Variants in WHAMM observed in about 807,000 individuals in gnomAD.
WHAMM encodes WASP homolog-associated protein with actin, membranes and microtubules.
Under a neutral mutation model 76.5 loss-of-function variants are expected in WHAMM, and 67 were observed. The observed-to-expected ratio is 0.88, with a 90% CI of 0.72 to 1.07. The LOEUF is 1.07. WHAMM is among the 50% of genes least tolerant of loss of function. The pLI is 0.00. For missense variants in WHAMM, 1,021 were observed against 1,051.1 expected (o/e 0.97, Z 0.40); for synonymous variants, 419 against 422.1 (o/e 0.99, Z 0.09).
chr15:82,812,374 G>A (rs377304026), intron 1 of WHAMM, among the ~76,000 whole-genome samples: 124 of 152,188 alleles, frequency 8.1e-4, no homozygotes, highest in African/African-American at 2.9e-3. Flanking sequence ...GACTGCAGGC[G>A]CCCGCCACCA....
At chr15:82,821,470 T>C (rs1289069466) in intron 5 of WHAMM, among the ~76,000 whole-genome samples, 3 of 152,204 alleles carry the variant, frequency 2.0e-5, no homozygotes, top group Non-Finnish European at 4.4e-5. Flanking sequence ...GCAGTCCCAA[T>C]CACTGATTTT....
chr15:82,813,468 A>G (rs2050664728), intron 2 of WHAMM, among the ~76,000 whole-genome samples, 192 bp downstream of exon 2: 1 of 152,072 alleles, frequency 6.6e-6, no homozygotes, highest in Non-Finnish European at 1.5e-5. Flanking sequence ...CCTGAGCTCA[A>G]GCAGTCTGTC....
rs750323619 is a variant in WHAMM, at chr15:82,818,018, C to G, written c.1033C>G (p.Arg345Gly). The change falls in exon 4 of 10, where the codon CGA becomes GGA. Residue 345 changes from arginine to glycine, a missense_variant. Physicochemically the swap from Arg to Gly is moderately radical, Grantham distance 125. Transcript: ENST00000286760. Reference sequence around the variant, plus strand: ...GGAAAAACTTCAGCTAATGCTAGCTCGAGAGACTCTGCAACTCATGAGAGC... The same window carrying G: ...GGAAAAACTTCAGCTAATGCTAGCTGGAGAGACTCTGCAACTCATGAGAGC... ...RLEKLQLMLA[R>G]ETLQLMRAKE... The G allele has an allele frequency of 6.5e-7, 1 of 1,549,778 alleles. No homozygotes were observed.
intron 9 of WHAMM, among the ~76,000 whole-genome samples, chr15:82,832,068 A>C (rs1433487052): frequency 6.6e-6 from 1 of 152,218 alleles, no homozygotes; most frequent in African/African-American, 2.4e-5. Flanking sequence ...TGCCCTGTGA[A>C]TGAAAAGTAA....
chr15:82,817,610 C>T (rs1433089192), intron 3 of WHAMM, among the ~76,000 whole-genome samples: 2 of 151,952 alleles, frequency 1.3e-5, no homozygotes, highest in African/African-American at 2.4e-5. Flanking sequence ...GTTTTGTGGT[C>T]AAACTATCCA....
Position 82,809,793 on chromosome 15 carries a change from C to T in WHAMM, c.67C>T (p.Pro23Ser). The T allele has an allele frequency of 3.7e-6, 6 of 1,601,654 alleles. No individual in the cohort carries two copies. Among genetic ancestry groups the T allele is most frequent in the Non-Finnish European group, 5.1e-6 (6 of 1,174,942 alleles). Residue 23 changes from proline (P) to serine (S), a missense_variant, in exon 1 of 10, where the codon CCC becomes TCC. By Grantham distance (74) the Pro-to-Ser change is moderately conservative (BLOSUM62 -1). This residue lies in a region of WHAMM where 501 missense variants were observed against 524.9 expected (regional missense o/e 0.95). Transcript: ENST00000286760. ...GGTCCGGGAGGGCCTCTTCGCCGAG[C>T]CCGAGAGGCACCGGCTGCGCTTCCT... ...VPVREGLFAE[P>S]ERHRLRFLVA...
intron 3 of WHAMM, among the ~76,000 whole-genome samples, chr15:82,817,560 GT>G (rs1467995744): frequency 2.6e-5 from 4 of 151,964 alleles, no homozygotes; most frequent in Non-Finnish European, 2.9e-5. Context: ...CTGATACATT[GT>G]GCAGAATCAA....
intron 1 of WHAMM, among the ~76,000 whole-genome samples, 193 bp from the exon 2 acceptor site, chr15:82,812,910 A>G (rs1355230625): frequency 6.6e-6 from 1 of 152,226 alleles, no homozygotes. Context: ...TGGATATATC[A>G]TACTTTTCTT....
Position 82,817,947 on chromosome 15 carries a change from C to T in WHAMM, c.962C>T (p.Ala321Val), listed in dbSNP as rs17400964. 7.8e-6 allele frequency: 12 copies of T among 1,543,934 alleles called. No homozygotes were observed. Among genetic ancestry groups the T allele is most frequent in the South Asian group, 3.6e-5 (3 of 83,104 alleles). The stretch of plus-strand genomic sequence containing the variant: ...ATGCAGAAAGAAATGGAACAGGATG[C>T]GAAGAGATTTGGTCAGGCTGCCTGG... ...AGMQKEMEQD[A>V]KRFGQAAWAT... Residue 321 changes from alanine to valine, a missense_variant, in exon 4 of 10, where the codon GCG becomes GTG. Around this residue, in one of 3 missense-constraint regions of WHAMM, gnomAD observed 501 missense variants for 524.9 expected, o/e 0.95. Coordinates refer to ENST00000286760, the MANE Select transcript of WHAMM (RefSeq NM_001080435.3).
chr15:82,820,303 AAATTTT>A (rs1230590267), intron 5 of WHAMM, among the ~76,000 whole-genome samples: 2 of 152,206 alleles, frequency 1.3e-5, no homozygotes, highest in African/African-American at 4.8e-5. Context: ...AAAAGTATCA[AAATTTT>A]AATGGCTGCA....
intron 8 of WHAMM, 61 bp downstream of exon 8, chr15:82,826,907 A>T (rs2050945990): frequency 8.1e-6 from 12 of 1,474,772 alleles, no homozygotes; most frequent in Non-Finnish European, 9.0e-6. Context: ...AGACCACCCT[A>T]AAAAAGATGA....
rs369272117 is a variant in WHAMM at position 82,833,442 on chromosome 15, G to T, written c.2336G>T (p.Arg779Met). ...TSNRRTSDLE[R>M]SIKAALQRIK... ...AACAGACGCACCAGTGACCTTGAGA[G>T]GAGCATCAAGGCTGCGCTCCAGAGA... is the stretch of plus-strand genomic sequence containing the variant. Residue 779 changes from arginine (R) to methionine (M), a missense_variant, in exon 10 of 10, where the codon AGG becomes ATG. Transcript: ENST00000286760. The T allele has an allele frequency of 1.2e-5, 19 of 1,613,888 alleles. No individual in the cohort carries two copies. The highest frequency in any genetic ancestry group is 1.4e-5 in the Non-Finnish European group (17 of 1,179,900).
intron 2 of WHAMM, among the ~76,000 whole-genome samples, chr15:82,815,109 TTTTATATATATATATATATATATATATA>T (rs2050698599): frequency 3.2e-5 from 2 of 61,588 alleles, no homozygotes; most frequent in Non-Finnish European, 5.7e-5. Context: ...CACTCACAGA[TTTTATATATATATATATATATATATATA>T]TATATATATA....
intron 4 of WHAMM, 110 bp from the exon 5 acceptor site, chr15:82,819,213 G>T: frequency 1.5e-5 from 6 of 387,124 alleles, no homozygotes; most frequent in South Asian, 1.3e-4. Flanking sequence ...TATTTGCTTT[G>T]TTATATTTAG....
intron 6 of WHAMM, among the ~76,000 whole-genome samples, chr15:82,824,773 T>C (rs12902970): frequency 0.49 from 74,999 of 152,166 alleles, 18,549 homozygotes; most frequent in South Asian, 0.53. Context: ...GCCTACTATA[T>C]TTTTCTTATT....
intron 8 of WHAMM, among the ~76,000 whole-genome samples, chr15:82,827,699 C>T (rs2050958730): frequency 6.6e-6 from 1 of 152,192 alleles, no homozygotes; most frequent in South Asian, 2.1e-4. Flanking sequence ...AATCCCAGCA[C>T]TTTGGGAGGC....
rs778805612 is a variant in WHAMM, at chr15:82,830,910, ACCGCCGCCC to A, written c.1956_1964del (p.Pro656_Pro658del). On this transcript the variant is annotated inframe_deletion, in exon 9 of 10. Coordinates refer to ENST00000286760, the MANE Select transcript of WHAMM (RefSeq NM_001080435.3). ...CTCCTCCACCACCACCACCGCCGCC[ACCGCCGCCC>A]CCACCCCCTCCTCTCCGTGCTCTGT... 3.3e-6 allele frequency: 3 copies of A among 900,714 alleles called. No homozygotes were observed. Among genetic ancestry groups the A allele is most frequent in the Non-Finnish European group, 5.0e-6 (3 of 600,554 alleles). The allele number at this position is 900,714 out of a possible 1,614,324, so 55.8% of individuals were successfully genotyped here.
At chr15:82,822,462 G>A (rs540078556) in intron 5 of WHAMM, among the ~76,000 whole-genome samples, 1 of 152,252 alleles carries the variant, frequency 6.6e-6, no homozygotes, top group East Asian at 1.9e-4. Flanking sequence ...TTTGGAGATG[G>A]AGTCTTGCTC....
At position 82,823,174 on chromosome 15, in the gene WHAMM, G is replaced by C; in HGVS notation, c.1345G>C (p.Gly449Arg). ...EELKVIDCVV[G>R]LQDDKNLEVK... The stretch of plus-strand genomic sequence containing the variant: ...ACTTAAAGTCATTGACTGTGTGGTG[G>C]GGCTGCAGGATGATAAGAATTTGGA... Residue 449 changes from glycine to arginine, a missense_variant, in exon 6 of 10, where the codon GGG (glycine) becomes CGG (arginine). Physicochemically the swap from Gly to Arg is moderately radical, Grantham distance 125. This residue lies in a region of WHAMM where 509 missense variants were observed against 492.3 expected (regional missense o/e 1.03). Transcript: ENST00000286760. The C allele has an allele frequency of 6.4e-7, 1 of 1,571,882 alleles. No individual in the cohort carries two copies. The highest frequency in any genetic ancestry group is 8.7e-7 in the Non-Finnish European group (1 of 1,155,716).
Sources: gnomAD v4.1 joint callset for allele counts (sites outside exome capture counted in the v4.1 genomes callset) on GRCh38, gnomAD v4.1.1 for gene constraint, gnomAD v4.1.1 regional missense constraint, MANE v1.5 for transcripts, NCBI Gene and HGNC (gene_info 2026-07-23, HGNC 2026-07-21) for gene names.